Variants in SHC3 observed in about 807,000 individuals in gnomAD.
SHC3 encodes SHC-transforming protein 3.
SHC3 carries 15 observed loss-of-function variants against 60.4 expected under a neutral mutation model. The ratio of observed to expected loss-of-function variants is 0.25; its 90% CI spans 0.17 to 0.38. SHC3 has a LOEUF of 0.38. Ranked by LOEUF, SHC3 falls within the 10% of genes least tolerant of loss-of-function variation. SHC3 has a pLI of 1.00. For synonymous variants in SHC3, 294 were observed against 325.9 expected (o/e 0.90, Z 1.05); for missense variants, 677 against 786.1 (o/e 0.86, Z 1.66).
At chr9:89,144,702 T>A (rs566816257) in intron 1 of SHC3, among the ~76,000 whole-genome samples, 1 of 152,372 alleles carries the variant, frequency 6.6e-6, no homozygotes, top group Admixed American at 6.5e-5. Context: ...CATCAACTCA[T>A]CCTGAAAGTC....
chr9:89,072,952 CT>C (rs1037246631), intron 4 of SHC3, among the ~76,000 whole-genome samples: 3 of 152,178 alleles, frequency 2.0e-5, no homozygotes, highest in Non-Finnish European at 4.4e-5. Flanking sequence ...ACCTCAGGAT[CT>C]AGAAACCCCT....
rs13440144 is a variant in SHC3 at position 89,147,511 on chromosome 9, C to T, written c.474+30476G>A. ...TTTTCCTTCCCTCCCTCCCTCTCCG[C>T]TTCCCCTTCTCCACTTCTCAGATCT... On this transcript the variant is annotated intron_variant, in intron 1 of 11. Coordinates refer to ENST00000375835, the MANE Select transcript of SHC3 (RefSeq NM_016848.6). Among the ~76,000 whole-genome samples, 479 of 152,136 alleles carry T rather than the reference C, an allele frequency of 3.1e-3. 1 individual carries two copies. Among genetic ancestry groups the T allele is most frequent in the African/African-American group, 0.011 (460 of 41,500 alleles).
At chr9:89,110,138 A>C in intron 2 of SHC3, 1 of 985,434 alleles carries the variant, frequency 1.0e-6, no homozygotes, top group South Asian at 4.7e-5. Context: ...TTGGCTTTCA[A>C]ACTAAGAAGA....
At chr9:89,112,416 G>T in intron 2 of SHC3, 140 bp downstream of exon 2, 1 of 763,710 alleles carries the variant, frequency 1.3e-6, no homozygotes, top group Non-Finnish European at 2.1e-6. Flanking sequence ...GTCTTGAGAT[G>T]AGGACAGTAC....
chr9:89,130,497 T>C (rs573001039), intron 1 of SHC3, among the ~76,000 whole-genome samples: 2 of 152,282 alleles, frequency 1.3e-5, no homozygotes, highest in South Asian at 4.1e-4. Flanking sequence ...TATTCCAAAA[T>C]TGACCACATA....
At chr9:89,106,032 G>C in intron 2 of SHC3, among the ~76,000 whole-genome samples, 1 of 152,190 alleles carries the variant, frequency 6.6e-6, no homozygotes, top group Non-Finnish European at 1.5e-5. Flanking sequence ...TGCAGCCACA[G>C]CACTTTCAGG....
chr9:89,043,499 C>T (rs1317728988), intron 9 of SHC3, among the ~76,000 whole-genome samples: 2 of 152,168 alleles, frequency 1.3e-5, no homozygotes, highest in African/African-American at 2.4e-5. Context: ...TTCCTGACTG[C>T]CCTTTCCCAC....
At chr9:89,132,081 G>A (rs906634122) in intron 1 of SHC3, among the ~76,000 whole-genome samples, 13 of 152,112 alleles carry the variant, frequency 8.5e-5, no homozygotes, top group Admixed American at 7.2e-4. Context: ...CAAAATCAAT[G>A]TGCAAAAATC....
chr9:89,047,001 A>C lies in SHC3; in HGVS notation c.963-7T>G, dbSNP rs1824786481. 6.4e-7 allele frequency: 1 copy of C among 1,553,322 alleles called. No homozygotes were observed. The highest frequency in any genetic ancestry group is 8.7e-7 in the Non-Finnish European group (1 of 1,151,140). On this transcript the variant is annotated splice_polypyrimidine_tract_variant and splice_region_variant and intron_variant, in intron 7 of 11. Coordinates refer to ENST00000375835, the MANE Select transcript of SHC3 (RefSeq NM_016848.6). ...CTCATCCAGACTCTGCATTCTGTTAAAGGAAGATTTCCAAGGGCTTTAGCC... is the reference window on the plus strand; with the variant it reads ...CTCATCCAGACTCTGCATTCTGTTACAGGAAGATTTCCAAGGGCTTTAGCC...
chr9:89,015,784 G>A (rs937540535), intron 11 of SHC3, among the ~76,000 whole-genome samples: 1 of 152,172 alleles, frequency 6.6e-6, no homozygotes, highest in Admixed American at 6.5e-5. Context: ...AAGACACATG[G>A]AATGTTAACC....
At chr9:89,035,009 C>T (rs891228991) in intron 11 of SHC3, among the ~76,000 whole-genome samples, 1 of 152,160 alleles carries the variant, frequency 6.6e-6, no homozygotes, top group South Asian at 2.1e-4. Context: ...AAATGTTAAA[C>T]CATCACAGCT....
chr9:89,059,321 T>C (rs185014890), intron 6 of SHC3, among the ~76,000 whole-genome samples: 1 of 26,448 alleles, frequency 3.8e-5, no homozygotes, highest in Non-Finnish European at 6.2e-5. Context: ...TGGAGGACGT[T>C]GTGGAGGATG....
chr9:89,178,321 A>G lies in SHC3; in HGVS notation c.140T>C (p.Leu47Ser). 1.3e-6 allele frequency: 2 copies of G among 1,593,304 alleles called. No homozygotes were observed. The highest frequency in any genetic ancestry group is 1.7e-6 in the Non-Finnish European group (2 of 1,172,022). Reference protein sequence around the residue: ...ARATPAAAPYLVSGEALRKAP... With the variant: ...ARATPAAAPYSVSGEALRKAP... ...CTTGCGCAGCGCCTCGCCGGACACC[A>G]AGTAGGGAGCCGCCGCCGGGGTCGC... The change falls in exon 1 of 12, where the codon TTG becomes TCG. Residue 47 changes from leucine to serine, a missense_variant. By Grantham distance (145) the Leu-to-Ser change is moderately radical. Transcript: ENST00000375835. The surrounding 1 kb of genome is among the most constrained non-coding windows in gnomAD (Gnocchi z 6.9).
At chr9:89,065,783 C>T (rs1825169369) in intron 5 of SHC3, among the ~76,000 whole-genome samples, 2 of 152,116 alleles carry the variant, frequency 1.3e-5, no homozygotes, top group Admixed American at 1.3e-4. Flanking sequence ...ACATTGCAGA[C>T]TTTGACTCAG....
intron 1 of SHC3, among the ~76,000 whole-genome samples, chr9:89,119,285 C>G (rs1826058912): frequency 6.6e-6 from 1 of 151,980 alleles, no homozygotes; most frequent in Admixed American, 6.6e-5. Context: ...AGAATATGCA[C>G]AGATGAAAGG....
chr9:89,094,533 C>G lies in SHC3; in HGVS notation c.546-16630G>C, dbSNP rs1825671663. Among the ~76,000 whole-genome samples, 3 of 152,188 alleles carry G rather than the reference C, an allele frequency of 2.0e-5. No homozygotes were observed. The East Asian group carries it at 5.8e-4, about 29-fold the overall frequency. On this transcript the variant is annotated intron_variant, in intron 2 of 11. Coordinates refer to ENST00000375835, the MANE Select transcript of SHC3 (RefSeq NM_016848.6). ...TAGAAGTAATAACAGCCACAATTGA[C>G]ATTTATAGAGTGTTTACTAAGTGTC...
chr9:89,069,821 G>T (rs1825241266), intron 5 of SHC3, among the ~76,000 whole-genome samples: 1 of 152,256 alleles, frequency 6.6e-6, no homozygotes, highest in South Asian at 2.1e-4. Flanking sequence ...TGGCCCAATT[G>T]TACTGTCCTT....
At chr9:89,107,577 C>CT (rs1381463570) in intron 2 of SHC3, among the ~76,000 whole-genome samples, 2 of 152,242 alleles carry the variant, frequency 1.3e-5, no homozygotes, top group African/African-American at 4.8e-5. Flanking sequence ...GCATCAACCC[C>CT]TTCCTGCCAG....
chr9:89,060,836 T>C (rs900943180), intron 6 of SHC3, among the ~76,000 whole-genome samples: 3 of 151,980 alleles, frequency 2.0e-5, no homozygotes, highest in Non-Finnish European at 4.4e-5. Context: ...TGGCAAGAAC[T>C]GGTAAGATGG....
Sources: gnomAD v4.1 joint callset for allele counts (sites outside exome capture counted in the v4.1 genomes callset) on GRCh38, gnomAD v4.1.1 for gene constraint, Gnocchi (gnomAD v3.1) non-coding constraint, MANE v1.5 for transcripts, NCBI Gene and HGNC (gene_info 2026-07-23, HGNC 2026-07-21) for gene names.